The following APBB2 variants were observed in gnomAD, a reference collection of about 807,000 sequenced individuals.
APBB2 encodes the protein Fe65-like 1.
A neutral mutation model predicts 82.5 loss-of-function variants in APBB2; 38 were observed. The ratio of observed to expected loss-of-function variants is 0.46; its 90% CI spans 0.36 to 0.60. The LOEUF (loss-of-function observed/expected upper bound fraction) is 0.60, where lower values mean the gene tolerates loss of function less well. Among genes scored for constraint, APBB2 ranks in the 20% least tolerant of loss-of-function variants. The pLI, the probability that APBB2 is intolerant of heterozygous loss-of-function variation, is 0.00. For synonymous variants in APBB2, 341 were observed against 368.2 expected (o/e 0.93, Z 0.85); for missense variants, 772 against 972.3 (o/e 0.79, Z 2.74).
At chr4:40,883,379 C>A (rs564484783) in intron 12 of APBB2, among the ~76,000 whole-genome samples, 19 of 152,120 alleles carry the variant, frequency 1.2e-4, no homozygotes, top group Non-Finnish European at 2.5e-4. Context: ...CTGATGTCAG[C>A]AGTTCAAGAC....
chr4:40,819,171 G>GCT (rs1435470487), intron 17 of APBB2, among the ~76,000 whole-genome samples: 3 of 122,428 alleles, frequency 2.5e-5, no homozygotes, highest in Admixed American at 1.9e-4. Flanking sequence ...CCTCCCCTTG[G>GCT]CTCTCTTTTT....
chr4:41,172,411 G>A (rs1174930735), intron 1 of APBB2, among the ~76,000 whole-genome samples: 2 of 151,946 alleles, frequency 1.3e-5, no homozygotes, highest in Non-Finnish European at 2.9e-5. Flanking sequence ...TCACTTAGCT[G>A]GAAAGGCTTC....
At chr4:40,934,951 T>C in intron 8 of APBB2, 126 bp downstream of exon 8, 1 of 840,452 alleles carries the variant, frequency 1.2e-6, no homozygotes, top group East Asian at 2.6e-5. Flanking sequence ...TGAATGCCCC[T>C]AGCAAGAAGC....
intron 5 of APBB2, among the ~76,000 whole-genome samples, chr4:41,020,595 C>T (rs747628474): frequency 2.6e-5 from 4 of 152,128 alleles, no homozygotes; most frequent in South Asian, 2.1e-4. Flanking sequence ...GAACCCAGGG[C>T]GTTCAGTCCA....
intron 6 of APBB2, among the ~76,000 whole-genome samples, chr4:40,967,456 C>T (rs899492036): frequency 1.3e-5 from 2 of 152,332 alleles, no homozygotes; most frequent in South Asian, 4.1e-4. Flanking sequence ...CTTTGGGGCT[C>T]TGTGGTTCCT....
At chr4:40,870,950 C>A (rs929692811) in intron 12 of APBB2, among the ~76,000 whole-genome samples, 2 of 152,032 alleles carry the variant, frequency 1.3e-5, no homozygotes, top group Non-Finnish European at 2.9e-5. Context: ...ATCTACCCGC[C>A]TTGGCCTCCC....
At chr4:41,152,560 C>T (rs975621032) in intron 1 of APBB2, among the ~76,000 whole-genome samples, 1 of 152,124 alleles carries the variant, frequency 6.6e-6, no homozygotes, top group African/African-American at 2.4e-5. Context: ...GATCTCCTGA[C>T]CTCGTGATCT....
At chr4:41,204,135 G>C (rs1371933228) in intron 1 of APBB2, among the ~76,000 whole-genome samples, 1 of 152,188 alleles carries the variant, frequency 6.6e-6, no homozygotes, top group Admixed American at 6.5e-5. Flanking sequence ...GGCAACAGGG[G>C]ATAAAAGCCG....
At chr4:40,912,362 A>G (rs1778788823) in intron 10 of APBB2, among the ~76,000 whole-genome samples, 1 of 152,170 alleles carries the variant, frequency 6.6e-6, no homozygotes, top group South Asian at 2.1e-4. Flanking sequence ...GCGGATCACC[A>G]GGTCAGGAGT....
At chr4:40,939,558 G>A (rs938355877) in intron 7 of APBB2, among the ~76,000 whole-genome samples, 7 of 152,146 alleles carry the variant, frequency 4.6e-5, no homozygotes, top group African/African-American at 1.4e-4. Context: ...CAAGGACTAC[G>A]GCAGGCAATG....
chr4:40,820,811 C>G (rs1331358035), intron 17 of APBB2, among the ~76,000 whole-genome samples: 1 of 152,192 alleles, frequency 6.6e-6, no homozygotes, highest in East Asian at 1.9e-4. Context: ...GGCCCAGCAC[C>G]CAACCTGCTG....
chr4:41,171,282 G>C (rs1768162750), intron 1 of APBB2, among the ~76,000 whole-genome samples: 1 of 152,156 alleles, frequency 6.6e-6, no homozygotes, highest in Admixed American at 6.6e-5. Context: ...GCCAGCCCCT[G>C]GACTATAGTG....
At chr4:41,088,606 A>G (rs1740663251) in intron 3 of APBB2, among the ~76,000 whole-genome samples, 2 of 152,226 alleles carry the variant, frequency 1.3e-5, no homozygotes, top group South Asian at 4.1e-4. Context: ...CCAGGGCCTC[A>G]TCCTCTTTGA....
At chr4:41,110,643 T>G (rs924722285) in intron 2 of APBB2, among the ~76,000 whole-genome samples, 3 of 151,520 alleles carry the variant, frequency 2.0e-5, no homozygotes, top group African/African-American at 7.3e-5. Context: ...ATCCTTATCA[T>G]GTACTGACAA....
chr4:41,140,747 C>T (rs540057785), intron 2 of APBB2, among the ~76,000 whole-genome samples: 1 of 152,330 alleles, frequency 6.6e-6, no homozygotes, highest in African/African-American at 2.4e-5. Flanking sequence ...TCAGTGGCAG[C>T]ATTAGATTCT....
chr4:41,155,833 C>T (rs1580464676), intron 1 of APBB2, among the ~76,000 whole-genome samples: 1 of 152,200 alleles, frequency 6.6e-6, no homozygotes, highest in African/African-American at 2.4e-5. Context: ...TGGCAGATTT[C>T]AGGCCCTCCA....
intron 10 of APBB2, among the ~76,000 whole-genome samples, chr4:40,906,441 G>C (rs1040092465): frequency 2.9e-4 from 40 of 138,222 alleles, no homozygotes; most frequent in Non-Finnish European, 3.8e-4. Context: ...ACTCCAGCCT[G>C]GGTGACAGAG....
At chr4:40,918,887 A>G (rs1320772344) in intron 10 of APBB2, among the ~76,000 whole-genome samples, 14 of 151,936 alleles carry the variant, frequency 9.2e-5, no homozygotes, top group African/African-American at 3.4e-4. Context: ...CTGGGATTAC[A>G]GGCATAAGCC....
At chr4:41,138,130 G>A (rs142966416) in intron 2 of APBB2, 10,229 of 151,914 alleles carry the variant, frequency 0.067, 488 homozygotes, top group Non-Finnish European at 0.1. Context: ...TCACGTCACT[G>A]CACTCCAGCC....
Sources: allele counts gnomAD v4.1 joint callset (sites outside exome capture counted in the v4.1 genomes callset), GRCh38; gene constraint gnomAD v4.1.1; transcripts MANE v1.5; gene names NCBI Gene and HGNC (gene_info 2026-07-23, HGNC 2026-07-21).